NRXN1: variants seen among roughly 807,000 people sequenced by gnomAD.
NRXN1 encodes neurexin 1.
A neutral mutation model predicts 150.9 loss-of-function variants in NRXN1; 39 were observed. The ratio of observed to expected loss-of-function variants is 0.26; its 90% CI spans 0.20 to 0.34. The LOEUF (loss-of-function observed/expected upper bound fraction) is 0.34, where lower values mean the gene tolerates loss of function less well. NRXN1 is among the 10% of genes least tolerant of loss of function. The probability of loss-of-function intolerance (pLI) is 1.00; values close to 1 mark genes in which losing one functional copy is unlikely to be tolerated. For synonymous variants in NRXN1, 924 were observed against 757.0 expected, an observed-to-expected ratio of 1.22 and a Z score of -3.62; for missense variants, 1,815 against 1,949.9, an observed-to-expected ratio of 0.93 and a Z score of 1.30.
At chr2:50,395,009 CAT>C (rs2103859728) in intron 17 of NRXN1, among the ~76,000 whole-genome samples, 1 of 152,084 alleles carries the variant, frequency 6.6e-6, no homozygotes, top group East Asian at 1.9e-4. Flanking sequence ...AGAAGCCTCT[CAT>C]AATTTTTCCT....
chr2:50,469,655 C>A (rs1171019413), intron 16 of NRXN1, among the ~76,000 whole-genome samples: 2 of 150,906 alleles, frequency 1.3e-5, no homozygotes, highest in Admixed American at 6.6e-5. Flanking sequence ...TAAGATTATT[C>A]CTAGAAACTA....
At chr2:50,825,840 G>A (rs1166597462) in intron 5 of NRXN1, among the ~76,000 whole-genome samples, 3 of 152,284 alleles carry the variant, frequency 2.0e-5, no homozygotes, top group Admixed American at 6.5e-5. Context: ...ACTTTCTGCT[G>A]CTAGACTGTG....
chr2:50,023,301 A>T (rs929503680), intron 21 of NRXN1: 1 of 152,168 alleles, frequency 6.6e-6, no homozygotes, highest in East Asian at 1.9e-4. Flanking sequence ...TTTAACCTCC[A>T]TCACTTCTCT....
intron 18 of NRXN1, among the ~76,000 whole-genome samples, chr2:50,107,696 T>C (rs1362533070): frequency 6.6e-6 from 1 of 151,680 alleles, no homozygotes; most frequent in Non-Finnish European, 1.5e-5. Context: ...ACAACAATAA[T>C]TGCAGAAATT....
At chr2:50,959,851 C>G (rs890459727) in intron 2 of NRXN1, among the ~76,000 whole-genome samples, 1 of 151,982 alleles carries the variant, frequency 6.6e-6, no homozygotes, top group Non-Finnish European at 1.5e-5. Flanking sequence ...TTCTTGATAG[C>G]TCATGTAAAC....
intron 17 of NRXN1, among the ~76,000 whole-genome samples, chr2:50,406,713 G>A (rs1417633109): frequency 6.6e-6 from 1 of 152,234 alleles, no homozygotes; most frequent in South Asian, 2.1e-4. Flanking sequence ...AATACAGAGA[G>A]AGACAGACAG....
At chr2:50,713,584 C>A (rs1695479820) in intron 5 of NRXN1, among the ~76,000 whole-genome samples, 1 of 152,030 alleles carries the variant, frequency 6.6e-6, no homozygotes, top group South Asian at 2.1e-4. Context: ...TCATCCTACG[C>A]CTTTCAAATA....
intron 18 of NRXN1, among the ~76,000 whole-genome samples, 180 bp from the exon 19 acceptor site, chr2:50,091,674 A>G (rs1361821305): frequency 6.6e-6 from 1 of 152,234 alleles, no homozygotes; most frequent in Admixed American, 6.5e-5. Flanking sequence ...TAAATTTAAG[A>G]CATCTCTTTC....
chr2:50,146,546 T>C (rs1168934983), intron 18 of NRXN1, among the ~76,000 whole-genome samples: 1 of 151,716 alleles, frequency 6.6e-6, no homozygotes, highest in Non-Finnish European at 1.5e-5. Context: ...GTTTTTTAAA[T>C]GATTATTTTG....
At chr2:50,938,015 T>C (rs1337744917) in intron 2 of NRXN1, among the ~76,000 whole-genome samples, 1 of 152,100 alleles carries the variant, frequency 6.6e-6, no homozygotes, top group Non-Finnish European at 1.5e-5. Flanking sequence ...TAGACAACTG[T>C]CATACAAGGT....
chr2:50,942,519 T>C (rs1218982846), intron 2 of NRXN1, among the ~76,000 whole-genome samples: 1 of 152,124 alleles, frequency 6.6e-6, no homozygotes, highest in African/African-American at 2.4e-5. Flanking sequence ...GCCCAAGGCC[T>C]TGGGAGCCCC....
At chr2:50,370,393 G>A (rs2079929485) in intron 17 of NRXN1, among the ~76,000 whole-genome samples, 1 of 151,992 alleles carries the variant, frequency 6.6e-6, no homozygotes, top group South Asian at 2.1e-4. Context: ...AAGCAACACC[G>A]ATGCTCACAA....
At chr2:50,680,104 G>C (rs1574075164) in intron 5 of NRXN1, among the ~76,000 whole-genome samples, 1 of 152,054 alleles carries the variant, frequency 6.6e-6, no homozygotes, top group African/African-American at 2.4e-5. Context: ...AGCTGTGATT[G>C]CACCTCTGCA....
intron 17 of NRXN1, among the ~76,000 whole-genome samples, chr2:50,322,908 C>T (rs1451513228): frequency 6.6e-6 from 1 of 152,088 alleles, no homozygotes; most frequent in Non-Finnish European, 1.5e-5. Context: ...GATGATCTCT[C>T]TCCTAACTGT....
intron 2 of NRXN1, among the ~76,000 whole-genome samples, chr2:50,929,113 A>G (rs1687350739): frequency 6.6e-6 from 1 of 152,038 alleles, no homozygotes; most frequent in African/African-American, 2.4e-5. Context: ...ATCACTGTAA[A>G]AGAGCATCTT....
chr2:50,898,663 A>G (rs1682414939), intron 5 of NRXN1: 1 of 417,396 alleles, frequency 2.4e-6, no homozygotes, highest in African/African-American at 2.1e-5. Flanking sequence ...CACATTTCAA[A>G]AATTTAATTT....
At chr2:50,756,509 T>C (rs1029907113) in intron 5 of NRXN1, among the ~76,000 whole-genome samples, 1 of 151,826 alleles carries the variant, frequency 6.6e-6, no homozygotes, top group African/African-American at 2.4e-5. Flanking sequence ...GCAAATTTCC[T>C]TACCCTTTGT....
chr2:50,789,729 A>G (rs1001225258), intron 5 of NRXN1, among the ~76,000 whole-genome samples: 2 of 152,122 alleles, frequency 1.3e-5, no homozygotes, highest in Admixed American at 1.3e-4. Context: ...TTTTTTTTAA[A>G]GGTGGGGGAT....
At chr2:50,381,129 T>G (rs910937106) in intron 17 of NRXN1, among the ~76,000 whole-genome samples, 3 of 152,070 alleles carry the variant, frequency 2.0e-5, no homozygotes, top group African/African-American at 7.2e-5. Flanking sequence ...GCAGAATGAA[T>G]GAATGGAACA....
Sources: gnomAD v4.1 joint callset for allele counts (sites outside exome capture counted in the v4.1 genomes callset) on GRCh38, gnomAD v4.1.1 for gene constraint, MANE v1.5 for transcripts, NCBI Gene and HGNC (gene_info 2026-07-23, HGNC 2026-07-21) for gene names.